SOX5: variants seen among roughly 807,000 people sequenced by gnomAD.
SOX5 encodes the protein SRY-box transcription factor 5.
In SOX5, 9 loss-of-function variants were observed where a neutral mutation model predicts 92.0. The observed-to-expected ratio is 0.10, with a 90% confidence interval of 0.06 to 0.17. The LOEUF is 0.17. SOX5 is among the 10% of genes least tolerant of loss of function. The probability of loss-of-function intolerance (pLI) is 1.00; values close to 1 mark genes in which losing one functional copy is unlikely to be tolerated. For missense variants in SOX5, 642 were observed against 944.5 expected, an observed-to-expected ratio of 0.68 and a Z score of 4.20; for synonymous variants, 344 against 336.3, an observed-to-expected ratio of 1.02 and a Z score of -0.25.
Position 23,770,680 on chromosome 12 carries a change from T to C in SOX5, c.482-14956A>G, listed in dbSNP as rs140172104. Among the ~76,000 whole-genome samples, 7 of 152,296 alleles carry C rather than the reference T, an allele frequency of 4.6e-5. No homozygotes were observed. In the East Asian group the frequency reaches 1.3e-3, roughly 29 times the overall value. ...CATAATTGATTGCAGCTGGGAACTG[T>C]CATCCCATCAGTAAGCAGCACCTAA... On this transcript the variant is annotated intron_variant, in intron 3 of 14. Transcript: ENST00000451604.
At chr12:24,402,937 T>C (rs536046249) in intron 1 of SOX5, among the ~76,000 whole-genome samples, 46 of 152,264 alleles carry the variant, frequency 3.0e-4, no homozygotes, top group African/African-American at 1.1e-3. Flanking sequence ...ATCATAATGC[T>C]GAAGGTTAAT....
chr12:24,442,198 C>T (rs964841323), intron 1 of SOX5, among the ~76,000 whole-genome samples: 6 of 152,152 alleles, frequency 3.9e-5, no homozygotes, highest in African/African-American at 9.7e-5. Context: ...ATTGCTAGAA[C>T]GCAATCCTAA....
At chr12:24,166,907 A>G (rs1953478626) in intron 4 of SOX5, among the ~76,000 whole-genome samples, 1 of 152,178 alleles carries the variant, frequency 6.6e-6, no homozygotes, top group Admixed American at 6.5e-5. Context: ...TTTACTTGGA[A>G]CTGGAATGAT....
chr12:23,737,616 G>A (rs1237731978), intron 5 of SOX5, among the ~76,000 whole-genome samples: 1 of 151,998 alleles, frequency 6.6e-6, no homozygotes, highest in African/African-American at 2.4e-5. Context: ...GCAAAAAGCC[G>A]GTGTACATAT....
chr12:23,587,872 T>A (rs1179236847), intron 9 of SOX5, among the ~76,000 whole-genome samples: 1 of 152,096 alleles, frequency 6.6e-6, no homozygotes, highest in Non-Finnish European at 1.5e-5. Flanking sequence ...GCCCACTTAC[T>A]GGCTCGGCCA....
intron 3 of SOX5, among the ~76,000 whole-genome samples, chr12:24,258,776 G>C (rs939654579): frequency 6.6e-6 from 1 of 152,120 alleles, no homozygotes; most frequent in African/African-American, 2.4e-5. Flanking sequence ...ATATATTGAA[G>C]TCTAGATATG....
At chr12:24,433,993 C>A (rs1249995482) in intron 1 of SOX5, among the ~76,000 whole-genome samples, 1 of 152,120 alleles carries the variant, frequency 6.6e-6, no homozygotes, top group African/African-American at 2.4e-5. Context: ...GGCATTGCCT[C>A]AGGAAGAATG....
chr12:23,752,690 A>G (rs909519219), intron 4 of SOX5, among the ~76,000 whole-genome samples: 16 of 151,958 alleles, frequency 1.1e-4, no homozygotes, highest in African/African-American at 3.6e-4. Context: ...CACCTTTCAC[A>G]TTATTGTTAC....
At chr12:24,118,114 G>GGAAAACGGAGATGTT (rs2138273950) in intron 4 of SOX5, among the ~76,000 whole-genome samples, 1 of 151,754 alleles carries the variant, frequency 6.6e-6, no homozygotes, top group South Asian at 2.1e-4. Context: ...GAAGGGATGA[G>GGAAAACGGAGATGTT]GAAAACGGAG....
At chr12:24,062,841 C>T (rs1343220591) in intron 4 of SOX5, among the ~76,000 whole-genome samples, 1 of 152,200 alleles carries the variant, frequency 6.6e-6, no homozygotes, top group Non-Finnish European at 1.5e-5. Flanking sequence ...TTTTGTGTCT[C>T]ATATTCTTCG....
chr12:23,975,915 G>A (rs937755172), intron 4 of SOX5, among the ~76,000 whole-genome samples: 1 of 152,114 alleles, frequency 6.6e-6, no homozygotes, highest in African/African-American at 2.4e-5. Flanking sequence ...AAATTCTGAT[G>A]TGTAAATTAT....
intron 2 of SOX5, among the ~76,000 whole-genome samples, chr12:24,356,318 G>C (rs1954821758): frequency 6.6e-6 from 1 of 152,190 alleles, no homozygotes; most frequent in Non-Finnish European, 1.5e-5. Context: ...CTTTAGTAAA[G>C]AGATGAATAT....
At position 23,563,356 on chromosome 12, in the gene SOX5, G is replaced by A. The variant is rs1162891839; in HGVS notation, c.1390C>T (p.Arg464Trp). 1.2e-6 allele frequency: 2 copies of A among 1,613,804 alleles called. No individual in the cohort carries two copies. Among genetic ancestry groups the A allele is most frequent in the Non-Finnish European group, 8.5e-7 (1 of 1,179,880 alleles). ...CGTCGGAGTTGCTCCTTCATTTGCCGAGCTTCTTGGATTGCCTTGGTGACA... is the reference window on the plus strand; with the variant it reads ...CGTCGGAGTTGCTCCTTCATTTGCCAAGCTTCTTGGATTGCCTTGGTGACA... ...DAVTKAIQEA[R>W]QMKEQLRREQ... The change falls in exon 11 of 15, where the codon CGG becomes TGG. Residue 464 changes from arginine (R) to tryptophan (W), a missense_variant. Physicochemically the swap from Arg to Trp is moderately radical, Grantham distance 101 (BLOSUM62 -3). Transcript: ENST00000451604.
At chr12:24,511,023 C>A (rs1218725420) in intron 1 of SOX5, among the ~76,000 whole-genome samples, 1 of 152,148 alleles carries the variant, frequency 6.6e-6, no homozygotes, top group East Asian at 1.9e-4. Flanking sequence ...CACCCTCCCC[C>A]AAAAGGAAAA....
intron 1 of SOX5, among the ~76,000 whole-genome samples, chr12:24,440,865 GC>G (rs915447934): frequency 6.6e-6 from 1 of 152,182 alleles, no homozygotes; most frequent in Non-Finnish European, 1.5e-5. Context: ...CCCTGCTGCA[GC>G]TCTGATGCAA....
At chr12:24,445,620 G>A (rs1307472420) in intron 1 of SOX5, among the ~76,000 whole-genome samples, 1 of 152,210 alleles carries the variant, frequency 6.6e-6, no homozygotes, top group Non-Finnish European at 1.5e-5. Context: ...GCTATGGACT[G>A]GATAATGGCA....
At chr12:23,882,974 G>A (rs1490078912) in intron 2 of SOX5, among the ~76,000 whole-genome samples, 4 of 152,088 alleles carry the variant, frequency 2.6e-5, no homozygotes, top group Non-Finnish European at 5.9e-5. Flanking sequence ...AAGGTCAGGA[G>A]ATCGAGACCA....
At chr12:24,557,258 C>T (rs1403847818) in intron 1 of SOX5, among the ~76,000 whole-genome samples, 1 of 151,904 alleles carries the variant, frequency 6.6e-6, no homozygotes, top group Non-Finnish European at 1.5e-5. Context: ...TGTGGCCGCG[C>T]ATGCCTGCAA....
chr12:23,981,091 G>A (rs1344149177), intron 4 of SOX5, among the ~76,000 whole-genome samples: 3 of 152,100 alleles, frequency 2.0e-5, no homozygotes, highest in African/African-American at 7.2e-5. Context: ...TCCATAACAT[G>A]TTTGAATTAT....
Sources: gnomAD v4.1 joint callset for allele counts (sites outside exome capture counted in the v4.1 genomes callset) on GRCh38, gnomAD v4.1.1 for gene constraint, MANE v1.5 for transcripts, NCBI Gene and HGNC (gene_info 2026-07-23, HGNC 2026-07-21) for gene names.